RB1CC1: variants seen among roughly 807,000 people sequenced by gnomAD.
RB1CC1 encodes the protein RB1 inducible coiled-coil 1.
RB1CC1 carries 46 observed loss-of-function variants against 177.5 expected under a neutral mutation model. The observed-to-expected ratio is 0.26, with a 90% CI of 0.20 to 0.33. The LOEUF (loss-of-function observed/expected upper bound fraction) is 0.33, where lower values mean the gene tolerates loss of function less well. RB1CC1 is among the 10% of genes least tolerant of loss of function. RB1CC1 has a pLI of 1.00. For synonymous variants in RB1CC1, 666 were observed against 613.6 expected (o/e 1.09, Z -1.26); for missense variants, 1,703 against 1,816.3 (o/e 0.94, Z 1.13).
intron 12 of RB1CC1, among the ~76,000 whole-genome samples, chr8:52,659,803 G>C (rs989706858): frequency 6.6e-6 from 1 of 152,126 alleles, no homozygotes; most frequent in Admixed American, 6.5e-5. Flanking sequence ...TTTGAGACCA[G>C]CTGGCCAACA....
chr8:52,674,494 C>T (rs749419967), intron 6 of RB1CC1, among the ~76,000 whole-genome samples: 1 of 152,142 alleles, frequency 6.6e-6, no homozygotes, highest in African/African-American at 2.4e-5. Context: ...TAGGGCTGGG[C>T]GTGGTGGCTC....
At chr8:52,709,167 A>G (rs946421553) in intron 1 of RB1CC1, among the ~76,000 whole-genome samples, 4 of 152,252 alleles carry the variant, frequency 2.6e-5, no homozygotes, top group African/African-American at 7.2e-5. Flanking sequence ...AGATCATGCC[A>G]TTGCACTCCA....
chr8:52,678,940 C>T (rs2150575054), intron 5 of RB1CC1, among the ~76,000 whole-genome samples: 1 of 152,224 alleles, frequency 6.6e-6, no homozygotes, highest in South Asian at 2.1e-4. Context: ...ATGTCTTTGC[C>T]TGCTTCTCCT....
rs759766382 is a variant in RB1CC1, at chr8:52,683,950, C to T, written c.135G>A (p.Leu45=). 1.4e-5 allele frequency: 23 copies of T among 1,614,006 alleles called. No individual in the cohort carries two copies. The highest frequency in any genetic ancestry group is 1.9e-5 in the Non-Finnish European group (23 of 1,180,018). Residue 45 remains leucine, a synonymous_variant, in exon 4 of 24, where the codon CTG becomes CTA. Transcript: ENST00000025008. The part of the protein sequence containing the change: ...KYKIAIQHQV[L]VVNGGECMAA... Reference sequence around the variant, plus strand: ...CCATGCATTCTCCTCCATTGACCACCAGCACCTGGTGTTGAATAGCAATCT... The same window carrying T: ...CCATGCATTCTCCTCCATTGACCACTAGCACCTGGTGTTGAATAGCAATCT...
At chr8:52,690,335 G>C (rs1022572276) in intron 1 of RB1CC1, among the ~76,000 whole-genome samples, 2 of 152,134 alleles carry the variant, frequency 1.3e-5, no homozygotes, top group African/African-American at 2.4e-5. Context: ...TCCAAAACAC[G>C]TGTATTGATA....
At position 52,657,137 on chromosome 8, in the gene RB1CC1, C is replaced by G; in HGVS notation, c.2692G>C (p.Glu898Gln). The G allele has an allele frequency of 6.2e-7, 1 of 1,610,960 alleles. No homozygotes were observed. The highest frequency in any genetic ancestry group is 1.1e-5 in the South Asian group (1 of 90,818). The change falls in exon 15 of 24, where the codon GAG becomes CAG. Residue 898 changes from glutamate (E) to glutamine (Q), a missense_variant. This residue lies in a region of RB1CC1 where 1,169 missense variants were observed against 1,184.7 expected (regional missense o/e 0.99). Transcript: ENST00000025008. The part of the protein sequence containing the change: ...NENKIKKLKG[E>Q]LVCLEEVLQN... ...AAAACCTCCTCAAGGCATACTAACT[C>G]TCCCTTCAATTTTTTAATTTTGTTT...
chr8:52,697,488 C>T (rs1265608757), intron 1 of RB1CC1, among the ~76,000 whole-genome samples: 1 of 152,080 alleles, frequency 6.6e-6, no homozygotes, highest in African/African-American at 2.4e-5. Context: ...ATTAGAATTA[C>T]TTTTGTTTGG....
In RB1CC1 at chr8:52,661,659, A is replaced by G. The variant is rs1205993822; in HGVS notation, c.1234T>C (p.Leu412=). 1 of 1,612,286 alleles carries G rather than the reference A, an allele frequency of 6.2e-7. No homozygotes were observed. The highest frequency in any genetic ancestry group is 2.2e-5 in the East Asian group (1 of 44,768). ...NLKDASVLPD[L]CLSHANQLMI... The stretch of plus-strand genomic sequence containing the variant: ...AACTGATTTGCGTGACTCAGGCATA[A>G]ATCAGGTAATACAGATGCATCCTTT... Residue 412 remains leucine, a synonymous_variant, in exon 9 of 24, where the codon TTA becomes CTA. Coordinates refer to ENST00000025008, the MANE Select transcript of RB1CC1 (RefSeq NM_014781.5).
At chr8:52,661,368 G>A in intron 9 of RB1CC1, 87 bp from the exon 10 acceptor site, 4 of 1,521,410 alleles carry the variant, frequency 2.6e-6, no homozygotes, top group Non-Finnish European at 3.6e-6. Flanking sequence ...ACTTAGTTAA[G>A]CCAAAGAAAT....
At chr8:52,644,730 T>C (rs16918043) in intron 16 of RB1CC1, among the ~76,000 whole-genome samples, 3,609 of 152,292 alleles carry the variant, frequency 0.024, 163 homozygotes, top group African/African-American at 0.082. Context: ...GTTTCAACTA[T>C]ACTTTATTTT....
intron 1 of RB1CC1, among the ~76,000 whole-genome samples, chr8:52,713,242 C>T (rs1410324859): frequency 2.6e-5 from 4 of 152,048 alleles, no homozygotes; most frequent in Admixed American, 2.6e-4. Flanking sequence ...ATGAGTCTTC[C>T]TTGGCAGCCA....
chr8:52,657,817 G>C lies in RB1CC1; in HGVS notation c.2012C>G (p.Pro671Arg). Residue 671 changes from proline (P) to arginine (R), a missense_variant, in exon 15 of 24, where the codon CCT (proline) becomes CGT (arginine). By Grantham distance (103) the Pro-to-Arg change is moderately radical (BLOSUM62 -2). This residue lies in a region of RB1CC1 where 1,169 missense variants were observed against 1,184.7 expected (regional missense o/e 0.99). Coordinates refer to ENST00000025008, the MANE Select transcript of RB1CC1 (RefSeq NM_014781.5). ...GITTTTSPRT[P>R]PPLTVQDPLC... ...GGGATCCTGAACAGTCAGTGGTGGA[G>C]GAGTTCTCGGTGAGGTAGTAGTTGT... 2 of 1,614,020 alleles carry C rather than the reference G, an allele frequency of 1.2e-6. No individual in the cohort carries two copies. The highest frequency in any genetic ancestry group is 8.5e-7 in the Non-Finnish European group (1 of 1,180,006).
chr8:52,673,441 G>C (rs1852786600), intron 7 of RB1CC1, among the ~76,000 whole-genome samples: 1 of 152,178 alleles, frequency 6.6e-6, no homozygotes, highest in Non-Finnish European at 1.5e-5. Flanking sequence ...TGCAGCATTT[G>C]AAATTTCTTC....
At position 52,682,307 on chromosome 8, in the gene RB1CC1, A is replaced by G. The variant is rs1002289745; in HGVS notation, c.369+1242T>C. 3.9e-5 allele frequency among the ~76,000 whole-genome samples: 6 copies of G among 152,212 alleles called. 1 individual carries two copies. In the Middle Eastern group the frequency reaches 0.014, roughly 345 times the overall value. ...AATTTCACCTTTCGCCTCCTGCCAT[A>G]ATTCCGAGGCCTCTTCAGCCACGAG... On this transcript the variant is annotated intron_variant, in intron 5 of 23. Coordinates refer to ENST00000025008, the MANE Select transcript of RB1CC1 (RefSeq NM_014781.5).
intron 13 of RB1CC1, 50 bp downstream of exon 13, chr8:52,658,823 T>A: frequency 7.5e-7 from 1 of 1,336,536 alleles, no homozygotes; most frequent in Non-Finnish European, 1.0e-6. Flanking sequence ...TCCAGAATAA[T>A]AAAAACATTT....
intron 1 of RB1CC1, among the ~76,000 whole-genome samples, chr8:52,712,375 C>T (rs1857129361): frequency 6.6e-6 from 1 of 151,484 alleles, no homozygotes; most frequent in South Asian, 2.1e-4. Context: ...CTCAGGCTAA[C>T]ATAATCAAAA....
chr8:52,676,512 T>C lies in RB1CC1; in HGVS notation c.429A>G (p.Glu143=), dbSNP rs1591055637. ...CSFCEGLVHD[E]HLQHQGWAAI... is the part of the protein sequence containing the mutation. ...CAGCCCAGCCTTGGTGTTGAAGATG[T>C]TCATCATGTACAAGACCTTCACAAA... Residue 143 remains glutamate (E), a synonymous_variant, in exon 6 of 24, where the codon GAA becomes GAG. Transcript: ENST00000025008. The C allele has an allele frequency of 1.9e-6, 3 of 1,613,564 alleles. No individual in the cohort carries two copies. Among genetic ancestry groups the C allele is most frequent in the Non-Finnish European group, 1.7e-6 (2 of 1,179,848 alleles).
At chr8:52,691,786 C>G (rs1854884937) in intron 1 of RB1CC1, among the ~76,000 whole-genome samples, 1 of 152,198 alleles carries the variant, frequency 6.6e-6, no homozygotes, top group Non-Finnish European at 1.5e-5. Context: ...ACTACTAACA[C>G]AAGGCATCAT....
chr8:52,627,633 GGAT>G (rs1214808413), intron 22 of RB1CC1, among the ~76,000 whole-genome samples: 1 of 152,106 alleles, frequency 6.6e-6, no homozygotes, highest in Non-Finnish European at 1.5e-5. Flanking sequence ...TAGGAACATA[GGAT>G]GATATAGGAT....
Sources: allele counts gnomAD v4.1 joint callset (sites outside exome capture counted in the v4.1 genomes callset), GRCh38; gene constraint gnomAD v4.1.1; regional missense constraint gnomAD v4.1.1; transcripts MANE v1.5; gene names NCBI Gene and HGNC (gene_info 2026-07-23, HGNC 2026-07-21).